Variants in TNS1 observed in about 807,000 individuals in gnomAD.
TNS1 encodes the protein tensin 1, also known as tensin-1.
In TNS1, 62 loss-of-function variants were observed where a neutral mutation model predicts 168.6. That is an observed-to-expected ratio of 0.37 (90% confidence interval 0.30 to 0.45). TNS1 has a LOEUF of 0.45. Ranked by LOEUF, TNS1 falls within the 20% of genes least tolerant of loss-of-function variation. TNS1 has a pLI of 1.00. For synonymous variants in TNS1, 934 were observed against 933.2 expected, an observed-to-expected ratio of 1.00 and a Z score of -0.02; for missense variants, 2,240 against 2,339.4, an observed-to-expected ratio of 0.96 and a Z score of 0.88.
chr2:217,906,269 A>ACCCCCC, intron 6 of TNS1, 66 bp downstream of exon 6: 3 of 514,428 alleles, frequency 5.8e-6, no homozygotes, highest in East Asian at 3.7e-5. Flanking sequence ...TCCACCTCCC[A>ACCCCCC]CCCCACCCCA....
At chr2:217,884,716 A>T (rs1450727350) in intron 16 of TNS1, among the ~76,000 whole-genome samples, 1 of 152,022 alleles carries the variant, frequency 6.6e-6, no homozygotes, top group Non-Finnish European at 1.5e-5. Flanking sequence ...AAAAAAAATG[A>T]TTGTCAGTAG....
intron 18 of TNS1, among the ~76,000 whole-genome samples, chr2:217,861,848 T>A (rs760536477): frequency 3.3e-5 from 5 of 152,032 alleles, no homozygotes; most frequent in Admixed American, 6.5e-5. Context: ...CCTAGCCCTG[T>A]GCCCCCTGAG....
At chr2:217,823,060 G>C (rs1943116841) in intron 22 of TNS1, among the ~76,000 whole-genome samples, 1 of 152,178 alleles carries the variant, frequency 6.6e-6, no homozygotes, top group Non-Finnish European at 1.5e-5. Flanking sequence ...CCCTCAGGAG[G>C]CCAGGCCCCT....
intron 1 of TNS1, among the ~76,000 whole-genome samples, chr2:218,017,983 A>C (rs1485599187): frequency 6.6e-6 from 1 of 152,212 alleles, no homozygotes; most frequent in Non-Finnish European, 1.5e-5. Flanking sequence ...GAGTCCCAGA[A>C]GGTTGAGGCC....
chr2:217,937,844 C>T (rs1385098126), intron 3 of TNS1, among the ~76,000 whole-genome samples: 1 of 152,178 alleles, frequency 6.6e-6, no homozygotes, highest in Admixed American at 6.5e-5. Flanking sequence ...TGCTCTCCCA[C>T]CCAGATGGAC....
In TNS1 at chr2:218,033,577, A is replaced by G. The variant is rs1306861505; in HGVS notation, c.156+243T>C. ...CAACCTATTTGCCCTTCTAGGGGTC[A>G]GGTCCTATATCACCCTCCTCCCAAG... On this transcript the variant is annotated intron_variant, in intron 1 of 1. Transcript: ENST00000649572. The surrounding 1 kb of genome is among the most constrained non-coding windows in gnomAD (Gnocchi z 4.3). Among the ~76,000 whole-genome samples, 3 of 152,120 alleles carry G rather than the reference A, an allele frequency of 2.0e-5. 1 individual carries two copies. In the East Asian group the frequency reaches 5.8e-4, roughly 29 times the overall value.
chr2:217,817,639 C>A, intron 24 of TNS1, 51 bp downstream of exon 24: 1 of 1,454,210 alleles, frequency 6.9e-7, no homozygotes, highest in East Asian at 2.3e-5. Flanking sequence ...TTTCACTCTT[C>A]TACTTACTTC....
chr2:217,828,045 C>T lies in TNS1; in HGVS notation c.3373+3410G>A, dbSNP rs114235840. Among the ~76,000 whole-genome samples, 1,081 of 152,332 alleles carry T rather than the reference C, an allele frequency of 7.1e-3. 12 individuals carry two copies. The highest frequency in any genetic ancestry group is 0.024 in the African/African-American group (1,008 of 41,568). On this transcript the variant is annotated intron_variant, in intron 22 of 32. Transcript: ENST00000682258. ...TGGTCCGGCATCTGAAGCACAGAAA[C>T]GTTGGCTCTGAGCTCCAGCTAATTC... is the stretch of plus-strand genomic sequence containing the variant.
chr2:217,935,182 G>A (rs1427216331), intron 3 of TNS1, among the ~76,000 whole-genome samples: 2 of 152,214 alleles, frequency 1.3e-5, no homozygotes, highest in African/African-American at 4.8e-5. Flanking sequence ...GGGTGAGGAG[G>A]GGGAGGAAGG....
chr2:217,868,511 G>A (rs1047621151), intron 18 of TNS1, among the ~76,000 whole-genome samples: 2 of 152,242 alleles, frequency 1.3e-5, no homozygotes, highest in African/African-American at 4.8e-5. Flanking sequence ...TGAACTCGGG[G>A]AAGCATTTTA....
At position 217,893,562 on chromosome 2, in the gene TNS1, C is replaced by G; in HGVS notation, c.595-1G>C. The G allele has an allele frequency of 6.2e-7, 1 of 1,607,370 alleles. No individual in the cohort carries two copies. The highest frequency in any genetic ancestry group is 8.5e-7 in the Non-Finnish European group (1 of 1,177,190). On this transcript the variant is annotated splice_acceptor_variant, in intron 9 of 32. Transcript: ENST00000682258. LOFTEE classifies it high-confidence loss of function. ...GGTCGGGCCAGCCAAATTCCAGTAC[C>G]TGTGGCCCAAGCCATGAGTGAGAAG...
At chr2:217,887,823 C>T (rs1412399574) in intron 12 of TNS1, among the ~76,000 whole-genome samples, 1 of 152,258 alleles carries the variant, frequency 6.6e-6, no homozygotes, top group African/African-American at 2.4e-5. Flanking sequence ...GATCGGTCAT[C>T]TGCCCAATAG....
chr2:218,006,148 C>T (rs2105991091), upstream of TNS1, among the ~76,000 whole-genome samples: 1 of 152,384 alleles, frequency 6.6e-6, no homozygotes, highest in East Asian at 1.9e-4. Flanking sequence ...CCCTGCTCAG[C>T]AGCCAGCTGA....
chr2:218,031,068 ATG>A (rs549115926), intron 1 of TNS1, among the ~76,000 whole-genome samples: 12,907 of 147,488 alleles, frequency 0.088, 1,744 homozygotes, highest in African/African-American at 0.3. Flanking sequence ...GTGTGAGTGT[ATG>A]TGTGTGTTTG....
intron 1 of TNS1, among the ~76,000 whole-genome samples, chr2:218,016,445 AC>A (rs2106005611): frequency 6.6e-6 from 1 of 151,810 alleles, no homozygotes; most frequent in East Asian, 1.9e-4. Flanking sequence ...CTGCCACCCC[AC>A]CCACCTCTCT....
At chr2:217,852,019 C>A (rs1947568903) in intron 18 of TNS1, among the ~76,000 whole-genome samples, 8 of 152,184 alleles carry the variant, frequency 5.3e-5, no homozygotes, top group Admixed American at 5.2e-4. Context: ...GTAGCACATG[C>A]CTGTAATCCC....
intron 19 of TNS1, among the ~76,000 whole-genome samples, chr2:217,844,859 A>T (rs541114280): frequency 1.1e-3 from 168 of 152,356 alleles, no homozygotes; most frequent in African/African-American, 3.8e-3. Flanking sequence ...GGGACATAAG[A>T]TAACTCAGTT....
At chr2:217,844,745 A>G (rs1946420549) in intron 19 of TNS1, among the ~76,000 whole-genome samples, 2 of 152,182 alleles carry the variant, frequency 1.3e-5, no homozygotes, top group African/African-American at 4.8e-5. Flanking sequence ...TTTTCCCCCT[A>G]TTAAACTCTA....
Position 217,848,792 on chromosome 2 carries a change from C to T in TNS1, c.1725G>A (p.Glu575=). ...LDRLLSGFGL[E]REKQGAMYHT... is the part of the protein sequence containing the mutation. ...GGTACATGGCGCCTTGCTTCTCTCGCTCTAAGCCAAAGCCACTCAGCAGGC... is the reference window on the plus strand; with the variant it reads ...GGTACATGGCGCCTTGCTTCTCTCGTTCTAAGCCAAAGCCACTCAGCAGGC... The change falls in exon 19 of 33, where the codon GAG becomes GAA. Residue 575 remains glutamate, a synonymous_variant. Transcript: ENST00000682258. The T allele has an allele frequency of 6.2e-7, 1 of 1,614,160 alleles. No individual in the cohort carries two copies. The highest frequency in any genetic ancestry group is 1.1e-5 in the South Asian group (1 of 91,084).
Sources: allele counts gnomAD v4.1 joint callset (sites outside exome capture counted in the v4.1 genomes callset), GRCh38; gene constraint gnomAD v4.1.1; non-coding constraint Gnocchi (gnomAD v3.1); transcripts MANE v1.5; gene names NCBI Gene and HGNC (gene_info 2026-07-23, HGNC 2026-07-21).